The following SYNE1 variants were observed in gnomAD, a reference collection of about 807,000 sequenced individuals.
The protein encoded by SYNE1 is nesprin-1.
In SYNE1, 616 loss-of-function variants were observed where a neutral mutation model predicts 1,111.0. The observed-to-expected ratio is 0.55, with a 90% CI of 0.52 to 0.59. The LOEUF is 0.59. Among genes scored for constraint, SYNE1 ranks in the 20% least tolerant of loss-of-function variants. The pLI, the probability that SYNE1 is intolerant of heterozygous loss-of-function variation, is 0.00. For missense variants in SYNE1, 10,006 were observed against 10,417.0 expected (o/e 0.96, Z 1.72); for synonymous variants, 3,855 against 3,825.8 (o/e 1.01, Z -0.28).
chr6:152,479,407 C>T (rs1032322717), intron 14 of SYNE1, among the ~76,000 whole-genome samples: 13 of 152,148 alleles, frequency 8.5e-5, no homozygotes, highest in Non-Finnish European at 5.9e-5. Flanking sequence ...GACTGAAAGC[C>T]TTACTTTGCC....
rs144533000 is a variant in SYNE1 at position 152,430,512 on chromosome 6, C to T, written c.4659G>A (p.Gln1553=). The change falls in exon 35 of 146, where the codon CAG becomes CAA. Residue 1553 remains glutamine (Q), a synonymous_variant. Transcript: ENST00000367255. ...TAAGGTTCTCTTCAAACTTTTGCTGCTGAGATAAATGTCCCAGGATTGTTC... is the reference window on the plus strand; with the variant it reads ...TAAGGTTCTCTTCAAACTTTTGCTGTTGAGATAAATGTCCCAGGATTGTTC... The part of the protein sequence containing the change: ...LEGTILGHLS[Q]QQKFEENLRK... 3.1e-6 allele frequency: 5 copies of T among 1,614,058 alleles called. No individual in the cohort carries two copies. The African/African-American group carries it at 4.0e-5, about 13-fold the overall frequency.
At chr6:152,309,812 T>C in intron 90 of SYNE1, 23 bp downstream of exon 90, 1 of 1,612,894 alleles carries the variant, frequency 6.2e-7, no homozygotes, top group Non-Finnish European at 8.5e-7. Context: ...ATTGCTCTAC[T>C]GGTGTGGGTA....
chr6:152,325,334 A>G lies in SYNE1; in HGVS notation c.15439-32T>C, dbSNP rs1022615990. ...TTGGGGGTGGAGGACGGAAGAGAGGAGACAAGGGAGAGATCAATTTAATTT... is the reference window on the plus strand; with the variant it reads ...TTGGGGGTGGAGGACGGAAGAGAGGGGACAAGGGAGAGATCAATTTAATTT... On this transcript the variant is annotated intron_variant, in intron 80 of 145. Transcript: ENST00000367255. 9 of 1,599,288 alleles carry G rather than the reference A, an allele frequency of 5.6e-6. No individual in the cohort carries two copies. In the African/African-American group the frequency reaches 1.1e-4, roughly 19 times the overall value.
rs1187826396 is a variant in SYNE1 at position 152,221,562 on chromosome 6, G to C, written c.21523-3C>G. The C allele has an allele frequency of 6.2e-7, 1 of 1,613,244 alleles. No individual in the cohort carries two copies. The highest frequency in any genetic ancestry group is 8.5e-7 in the Non-Finnish European group (1 of 1,179,846). ...TTTTCCAGATCATCTTGGAGATTCT[G>C]CCCCAAAAAAAAGACCCATAGATGA... On this transcript the variant is annotated splice_polypyrimidine_tract_variant and splice_region_variant and intron_variant, in intron 117 of 145. Transcript: ENST00000367255.
At chr6:152,409,845 C>T (rs561215178) in intron 42 of SYNE1, 136 bp from the exon 43 acceptor site, 1 of 910,462 alleles carries the variant, frequency 1.1e-6, no homozygotes, top group African/African-American at 1.6e-5. Flanking sequence ...TGTCCTCAAA[C>T]TAGTGCTGCT....
intron 102 of SYNE1, 78 bp from the exon 103 acceptor site, chr6:152,255,824 T>A: frequency 6.6e-7 from 1 of 1,512,762 alleles, no homozygotes; most frequent in East Asian, 2.3e-5. Flanking sequence ...ATGGGGCCGG[T>A]GCAGTGCTCA....
chr6:152,404,136 C>CAG, intron 46 of SYNE1, 77 bp downstream of exon 46: 2 of 918,058 alleles, frequency 2.2e-6, no homozygotes, highest in Middle Eastern at 2.6e-4. Flanking sequence ...CACACACACA[C>CAG]AGAGACAGAG....
intron 107 of SYNE1, among the ~76,000 whole-genome samples, chr6:152,241,565 A>T (rs965289093): frequency 2.9e-5 from 4 of 138,884 alleles, no homozygotes; most frequent in African/African-American, 1.1e-4. Flanking sequence ...GTAGTGTCCA[A>T]CCTGAGCTTG....
At chr6:152,553,851 T>G (rs1361707466) in intron 3 of SYNE1, among the ~76,000 whole-genome samples, 1 of 152,016 alleles carries the variant, frequency 6.6e-6, no homozygotes, top group African/African-American at 2.4e-5. Flanking sequence ...AAACTTTAAG[T>G]GTGGAGAAGC....
intron 16 of SYNE1, among the ~76,000 whole-genome samples, chr6:152,467,819 T>C (rs1003954001): frequency 2.0e-5 from 3 of 152,164 alleles, no homozygotes; most frequent in Admixed American, 6.5e-5. Flanking sequence ...TAAATTTGTA[T>C]TGGTCCATTT....
At chr6:152,271,158 C>T (rs138862399) in intron 98 of SYNE1, among the ~76,000 whole-genome samples, 4 of 152,270 alleles carry the variant, frequency 2.6e-5, no homozygotes, top group African/African-American at 9.6e-5. Context: ...AGAGACCCTT[C>T]TCTCGCTCTC....
chr6:152,339,439 A>C (rs2096483763), intron 74 of SYNE1, 73 bp from the exon 75 acceptor site: 1 of 1,588,682 alleles, frequency 6.3e-7, no homozygotes, highest in Middle Eastern at 1.8e-4. Flanking sequence ...ATCATTTGGA[A>C]TATTCTGTTG....
At chr6:152,611,019 C>G (rs367902471) in intron 3 of SYNE1, among the ~76,000 whole-genome samples, 1 of 152,128 alleles carries the variant, frequency 6.6e-6, no homozygotes, top group African/African-American at 2.4e-5. Flanking sequence ...AAGAAACAAT[C>G]GCTACCAGCC....
intron 39 of SYNE1, among the ~76,000 whole-genome samples, chr6:152,421,309 A>G (rs1222761636): frequency 6.6e-6 from 1 of 152,210 alleles, no homozygotes; most frequent in African/African-American, 2.4e-5. Flanking sequence ...AGACTTTTGA[A>G]AGTCTAATCT....
chr6:152,240,504 T>C (rs1225453970), intron 107 of SYNE1, among the ~76,000 whole-genome samples: 1 of 152,210 alleles, frequency 6.6e-6, no homozygotes, highest in Non-Finnish European at 1.5e-5. Context: ...ATCCTACTAA[T>C]GTTTTTGAAA....
At chr6:152,439,475 C>T (rs2098507729) in intron 32 of SYNE1, among the ~76,000 whole-genome samples, 1 of 152,168 alleles carries the variant, frequency 6.6e-6, no homozygotes, top group Non-Finnish European at 1.5e-5. Flanking sequence ...GCAATCCTCC[C>T]ATCTCAGCCT....
Position 152,221,443 on chromosome 6 carries a change from C to A in SYNE1, c.21639G>T (p.Leu7213=). 1 of 1,613,856 alleles carries A rather than the reference C, an allele frequency of 6.2e-7. No individual in the cohort carries two copies. Among genetic ancestry groups the A allele is most frequent in the Non-Finnish European group, 8.5e-7 (1 of 1,179,920 alleles). Residue 7213 remains leucine, a synonymous_variant, in exon 118 of 146, where the codon CTG becomes CTT. Coordinates refer to ENST00000367255, the MANE Select transcript of SYNE1 (RefSeq NM_182961.4). The part of the protein sequence containing the change: ...PPVTETLTNT[L]KEVNMRWNNL... ...CTCCATACCTCATGTTGACTTCTTT[C>A]AGTGTATTGGTAAGAGTTTCTGTCA...
intron 95 of SYNE1, among the ~76,000 whole-genome samples, chr6:152,290,099 T>C (rs1201108665): frequency 3.3e-5 from 5 of 152,060 alleles, no homozygotes; most frequent in Non-Finnish European, 2.9e-5. Context: ...CAAAACAAAA[T>C]AACCACAGAC....
At chr6:152,145,692 C>T (rs773764926) in intron 137 of SYNE1, 2 of 758,118 alleles carry the variant, frequency 2.6e-6, no homozygotes, top group Non-Finnish European at 4.6e-6. Context: ...CACAGAGGAG[C>T]GTGCAGGCTC....
Sources: gnomAD v4.1 joint callset for allele counts (sites outside exome capture counted in the v4.1 genomes callset) on GRCh38, gnomAD v4.1.1 for gene constraint, MANE v1.5 for transcripts, NCBI Gene and HGNC (gene_info 2026-07-23, HGNC 2026-07-21) for gene names.